OXNAD1: variants seen among roughly 807,000 people sequenced by gnomAD.
OXNAD1 encodes the protein oxidoreductase NAD-binding domain-containing protein 1.
OXNAD1 carries 34 observed loss-of-function variants against 32.9 expected under a neutral mutation model. The observed-to-expected ratio is 1.03, with a 90% CI of 0.79 to 1.38. The LOEUF (loss-of-function observed/expected upper bound fraction) is 1.38. OXNAD1 is among the 40% of genes most tolerant of loss of function. OXNAD1 has a pLI of 0.00. For missense variants in OXNAD1, 407 were observed against 379.4 expected, an observed-to-expected ratio of 1.07 and a Z score of -0.60; for synonymous variants, 134 against 135.2, an observed-to-expected ratio of 0.99 and a Z score of 0.06.
At position 16,345,823 on chromosome 3, in the gene OXNAD1, C is replaced by T. The variant is rs796823655; in HGVS notation, c.*31-3353C>T. ...GTGTGTGTGTGTGTGTGTGTGCGCG[C>T]GCGCGTGCGCGCACGCGCACATGTG... is the stretch of plus-strand genomic sequence containing the variant. On this transcript the variant is annotated intron_variant, in intron 9 of 9. Coordinates refer to the OXNAD1 transcript ENST00000606098. This position sits in a 1 kb window ranked among gnomAD's most constrained non-coding sequence, Gnocchi z 5.2. Among the ~76,000 whole-genome samples, 30,994 of 85,312 alleles carry T rather than the reference C, an allele frequency of 0.36. 3,534 individuals are homozygous for T. The highest frequency in any genetic ancestry group is 0.49 in the Middle Eastern group (79 of 162). The allele number at this position is 85,312 out of a possible 152,430, so 56.0% of individuals were successfully genotyped here. A position where few individuals can be genotyped will look rare whatever the true frequency, so the allele number is the denominator to read the frequency against.
chr3:16,294,808 T>C (rs749338579), intron 5 of OXNAD1, 48 bp from the exon 6 acceptor site: 1 of 1,563,982 alleles, frequency 6.4e-7, no homozygotes, highest in Non-Finnish European at 8.7e-7. Flanking sequence ...AATTTACCAA[T>C]TTTTAAAATT....
chr3:16,338,046 C>T (rs933026769), downstream of OXNAD1, among the ~76,000 whole-genome samples: 9 of 152,194 alleles, frequency 5.9e-5, no homozygotes, highest in African/African-American at 1.7e-4. This position sits in a 1 kb window ranked among gnomAD's most constrained non-coding sequence, Gnocchi z 5.3. Context: ...TCCTAAAGCA[C>T]CATGCCAAGC....
chr3:16,272,448 A>G (rs2065015332), intron 4 of OXNAD1: 2 of 162,966 alleles, frequency 1.2e-5, no homozygotes, highest in South Asian at 1.4e-4. Context: ...CAATAAAAAA[A>G]CTATTTCATG....
At position 16,317,271 on chromosome 3, in the gene OXNAD1, C is replaced by T. The variant is rs759731222; in HGVS notation, c.*30+13679C>T. ...AGGATGGGGATAAATAACAAGCCTC[C>T]GGGAACCCAGAGCTTCACCCAAAGC... On this transcript the variant is annotated intron_variant, in intron 9 of 9. Coordinates refer to the OXNAD1 transcript ENST00000435829. This position sits in a 1 kb window ranked among gnomAD's most constrained non-coding sequence, Gnocchi z 4.3. The T allele has an allele frequency of 1.2e-5, 19 of 1,599,980 alleles. No individual in the cohort carries two copies. Among genetic ancestry groups the T allele is most frequent in the East Asian group, 2.2e-5 (1 of 44,820 alleles).
downstream of OXNAD1, among the ~76,000 whole-genome samples, chr3:16,340,574 C>T (rs891033879): frequency 6.6e-6 from 1 of 152,240 alleles, no homozygotes; most frequent in Non-Finnish European, 1.5e-5. Flanking sequence ...GTTAGTTACA[C>T]AGCAGAAGCC....
At chr3:16,306,180 G>C (rs548152423), downstream of OXNAD1, 19 of 152,160 alleles carry the variant, frequency 1.2e-4, no homozygotes, top group Non-Finnish European at 2.5e-4. Context: ...TCTGATATTT[G>C]TATCTTTCTC....
At position 16,316,872 on chromosome 3, in the gene OXNAD1, C is replaced by T. The variant is rs773923850; in HGVS notation, c.*30+13280C>T. 7.4e-6 allele frequency: 12 copies of T among 1,614,216 alleles called. No individual in the cohort carries two copies. The highest frequency in any genetic ancestry group is 1.0e-5 in the Non-Finnish European group (12 of 1,180,026). On this transcript the variant is annotated intron_variant, in intron 9 of 9. Transcript: ENST00000435829. This position sits in a 1 kb window ranked among gnomAD's most constrained non-coding sequence, Gnocchi z 4.5. ...CCAAGCTCTCTGACTTCCTCAGCAT[C>T]CCCGTCCCTGGCATCCTCTCCAGGA...
chr3:16,343,490 C>G (rs1470026645), intron 9 of OXNAD1, among the ~76,000 whole-genome samples: 1 of 152,174 alleles, frequency 6.6e-6, no homozygotes, highest in African/African-American at 2.4e-5. Flanking sequence ...CCACCATTTC[C>G]AGGTGTCTCC....
At chr3:16,326,838 G>A in intron 9 of OXNAD1, 1 of 1,614,166 alleles carries the variant, frequency 6.2e-7, no homozygotes. Flanking sequence ...CCGCCAGCGA[G>A]TTCAGCAGGG....
At position 16,277,716 on chromosome 3, in the gene OXNAD1, G is replaced by A. The variant is rs2065450853; in HGVS notation, c.183+5994G>A. Among the ~76,000 whole-genome samples, 1 of 152,118 alleles carries A rather than the reference G, an allele frequency of 6.6e-6. No individual in the cohort carries two copies. The highest frequency in any genetic ancestry group is 2.4e-5 in the African/African-American group (1 of 41,428). On this transcript the variant is annotated intron_variant, in intron 4 of 8. Transcript: ENST00000285083. This position sits in a 1 kb window ranked among gnomAD's most constrained non-coding sequence, Gnocchi z 4.3. The stretch of plus-strand genomic sequence containing the variant: ...AATACTCACCCAGAAATGTTCTTTT[G>A]GTTTTGGGCATGTATTTCCTCTGGA...
At chr3:16,313,216 T>TC (rs2068097823) in intron 9 of OXNAD1, among the ~76,000 whole-genome samples, 1 of 148,938 alleles carries the variant, frequency 6.7e-6, no homozygotes, top group Non-Finnish European at 1.5e-5. Context: ...TTTTTTTTTT[T>TC]TTTTTTTGCA....
In OXNAD1 at chr3:16,344,421, AGGC is replaced by A. The variant is rs908669247; in HGVS notation, c.*31-4751_*31-4749del. On this transcript the variant is annotated intron_variant, in intron 9 of 9. Transcript: ENST00000606098. The surrounding 1 kb of genome is among the most constrained non-coding windows in gnomAD (Gnocchi z 4.4). Reference sequence around the variant, plus strand: ...ATGTAAAAACAGATACATTCAGAAAAGGCGGCTCTGGTTGACACTGGCATGGGT... The same window carrying A: ...ATGTAAAAACAGATACATTCAGAAAAGGCTCTGGTTGACACTGGCATGGGT... Among the ~76,000 whole-genome samples, 3 of 152,126 alleles carry A rather than the reference AGGC, an allele frequency of 2.0e-5. No individual in the cohort carries two copies. The highest frequency in any genetic ancestry group is 6.5e-5 in the Admixed American group (1 of 15,278).
At position 16,302,866 on chromosome 3, in the gene OXNAD1, G is replaced by C; in HGVS notation, c.784+118G>C. ...GCTGGCTGGGAATGTCACTATCTGG[G>C]GAATTGGGATGATTCCTCATGGAAA... On this transcript the variant is annotated intron_variant, in intron 8 of 8. Coordinates refer to ENST00000285083, the MANE Select transcript of OXNAD1 (RefSeq NM_138381.5). This position sits in a 1 kb window ranked among gnomAD's most constrained non-coding sequence, Gnocchi z 4.2. The C allele has an allele frequency of 1.3e-6, 1 of 770,784 alleles. No homozygotes were observed. The highest frequency in any genetic ancestry group is 2.7e-5 in the East Asian group (1 of 37,022). The allele number at this position is 770,784 out of a possible 1,614,324, so 47.7% of individuals were successfully genotyped here.
rs2071541002 is a variant in OXNAD1, at chr3:16,344,919, T to C, written c.*31-4257T>C. ...ACTGATTTAATATACTTCAGTTCTC[T>C]CTGGAGAACCATTTGCCCTCTCTTC... is the stretch of plus-strand genomic sequence containing the variant. On this transcript the variant is annotated intron_variant, in intron 9 of 9. Coordinates refer to the OXNAD1 transcript ENST00000606098. This position sits in a 1 kb window ranked among gnomAD's most constrained non-coding sequence, Gnocchi z 4.4. Among the ~76,000 whole-genome samples the C allele has an allele frequency of 1.3e-5, 2 of 152,234 alleles. No homozygotes were observed. The highest frequency in any genetic ancestry group is 4.8e-5 in the African/African-American group (2 of 41,456).
chr3:16,325,901 G>A (rs2069640290), intron 9 of OXNAD1, among the ~76,000 whole-genome samples: 2 of 152,352 alleles, frequency 1.3e-5, no homozygotes, highest in African/African-American at 2.4e-5. Flanking sequence ...GGAAGGTGGA[G>A]CTCTGGGGGC....
chr3:16,332,363 T>A (rs689675), intron 9 of OXNAD1, among the ~76,000 whole-genome samples: 54,663 of 151,708 alleles, frequency 0.36, 10,654 homozygotes, highest in Non-Finnish European at 0.43. Context: ...TTTTTAAATT[T>A]TCTGCTGCCC....
rs895017320 is a variant in OXNAD1, at chr3:16,297,615, G to A, written c.432+2618G>A. On this transcript the variant is annotated intron_variant, in intron 6 of 8. Coordinates refer to ENST00000285083, the MANE Select transcript of OXNAD1 (RefSeq NM_138381.5). The surrounding 1 kb of genome is among the most constrained non-coding windows in gnomAD (Gnocchi z 4.3). The stretch of plus-strand genomic sequence containing the variant: ...ACAACCCAAATGTCCCTCAGCAGGT[G>A]AATGGATAACTTGTGATATAGTCAT... Among the ~76,000 whole-genome samples the A allele has an allele frequency of 2.6e-5, 4 of 152,198 alleles. No homozygotes were observed. The highest frequency in any genetic ancestry group is 7.2e-5 in the African/African-American group (3 of 41,452).
intron 1 of OXNAD1, among the ~76,000 whole-genome samples, chr3:16,267,421 T>G (rs902624857): frequency 1.3e-5 from 2 of 152,304 alleles, no homozygotes; most frequent in South Asian, 2.1e-4. Context: ...TTACCCTTAC[T>G]ATAGACTGCT....
intron 9 of OXNAD1, among the ~76,000 whole-genome samples, chr3:16,331,846 G>A (rs1342431509): frequency 1.3e-5 from 2 of 152,116 alleles, no homozygotes; most frequent in South Asian, 2.1e-4. Context: ...ATCTGAATCC[G>A]TGCATTTCTA....
Sources: gnomAD v4.1 joint callset for allele counts (sites outside exome capture counted in the v4.1 genomes callset) on GRCh38, gnomAD v4.1.1 for gene constraint, Gnocchi (gnomAD v3.1) non-coding constraint, MANE v1.5 for transcripts, NCBI Gene and HGNC (gene_info 2026-07-23, HGNC 2026-07-21) for gene names.